NMT2: variants seen among roughly 807,000 people sequenced by gnomAD.
The protein encoded by NMT2 is glycylpeptide N-tetradecanoyltransferase 2.
Under a neutral mutation model 65.4 loss-of-function variants are expected in NMT2, and 35 were observed. The observed-to-expected ratio is 0.54, with a 90% CI of 0.41 to 0.71. NMT2 has a LOEUF of 0.71. Among genes scored for constraint, NMT2 ranks in the 30% least tolerant of loss-of-function variants. The probability of loss-of-function intolerance (pLI) is 0.00; values close to 1 mark genes in which losing one functional copy is unlikely to be tolerated. For synonymous variants in NMT2, 226 were observed against 231.8 expected, an observed-to-expected ratio of 0.98 and a Z score of 0.23; for missense variants, 489 against 611.3, an observed-to-expected ratio of 0.80 and a Z score of 2.11.
At position 15,109,741 on chromosome 10, in the gene NMT2, G is replaced by C. The variant is rs1049849708; in HGVS notation, c.1437C>G (p.Tyr479Ter). 1 of 1,613,604 alleles carries C rather than the reference G, an allele frequency of 6.2e-7. No homozygotes were observed. Among genetic ancestry groups the C allele is most frequent in the Non-Finnish European group, 8.5e-7 (1 of 1,179,820 alleles). ...TACCTGGACACCTCCAATTGTACAG[G>C]TAATACTGCAAATTGCCATCTCCTA... is the stretch of plus-strand genomic sequence containing the variant. The part of the protein sequence containing the change: ...FGIGDGNLQY[Y>*]LYNWRCPGTD... Residue 479 changes from tyrosine (Y) to a stop codon, truncating the protein, a stop_gained, in exon 11 of 12, where the codon TAC (tyrosine) becomes TAG (stop). Coordinates refer to ENST00000378165, the MANE Select transcript of NMT2 (RefSeq NM_004808.3). LOFTEE classifies it high-confidence loss of function.
At chr10:15,151,326 G>A (rs1257880728) in intron 1 of NMT2, among the ~76,000 whole-genome samples, 2 of 152,142 alleles carry the variant, frequency 1.3e-5, no homozygotes, top group Non-Finnish European at 2.9e-5. Flanking sequence ...AAAAGTGCTA[G>A]GATTGTAGGT....
chr10:15,158,700 C>T (rs999218976), intron 1 of NMT2, among the ~76,000 whole-genome samples: 2 of 152,178 alleles, frequency 1.3e-5, no homozygotes, highest in African/African-American at 4.8e-5. Flanking sequence ...TGTCTTAGTT[C>T]AGCCTGCTAT....
intron 1 of NMT2, 53 bp from the exon 2 acceptor site, chr10:15,141,610 T>G: frequency 1.3e-6 from 2 of 1,543,836 alleles, no homozygotes; most frequent in Non-Finnish European, 1.7e-6. Flanking sequence ...AATCATTAAA[T>G]GAAATTGAAT....
rs1247069817 is a variant in NMT2, at chr10:15,106,677, G to A, written c.*2518C>T. On this transcript the variant is annotated 3_prime_UTR_variant, in exon 12 of 12. Coordinates refer to ENST00000378165, the MANE Select transcript of NMT2 (RefSeq NM_004808.3). Reference sequence around the variant, plus strand: ...AAAGGAGAGTTCCAACTCCTTCGTAGTGACCAAGGTCAACAAACTTTCTGT... The same window carrying A: ...AAAGGAGAGTTCCAACTCCTTCGTAATGACCAAGGTCAACAAACTTTCTGT... The A allele has an allele frequency of 1.0e-6, 1 of 984,698 alleles. No homozygotes were observed. The highest frequency in any genetic ancestry group is 1.2e-6 in the Non-Finnish European group (1 of 829,376). The allele number at this position is 984,698 out of a possible 1,614,324, so 61.0% of individuals were successfully genotyped here.
At chr10:15,116,744 C>T (rs548104429) in intron 9 of NMT2, among the ~76,000 whole-genome samples, 2 of 152,046 alleles carry the variant, frequency 1.3e-5, no homozygotes, top group South Asian at 2.1e-4. Context: ...GATATCAGTA[C>T]AGATCCCACA....
intron 8 of NMT2, among the ~76,000 whole-genome samples, chr10:15,119,845 T>C (rs2131501782): frequency 6.6e-6 from 1 of 152,310 alleles, no homozygotes; most frequent in South Asian, 2.1e-4. Flanking sequence ...CAGTACAAGT[T>C]CATGATGTAC....
chr10:15,132,967 G>A (rs755924172), intron 5 of NMT2, 34 bp from the exon 6 acceptor site: 61 of 1,598,220 alleles, frequency 3.8e-5, no homozygotes, highest in African/African-American at 1.7e-4. Context: ...ACAGGCACCA[G>A]TTATTGTCCA....
At chr10:15,129,426 G>A (rs573112009) in intron 7 of NMT2, among the ~76,000 whole-genome samples, 1 of 152,272 alleles carries the variant, frequency 6.6e-6, no homozygotes, top group South Asian at 2.1e-4. Context: ...ACCTGTGAAA[G>A]CTTGACTAGT....
At chr10:15,139,250 CTCTATCTATCTATCTATCTA>C (rs148766759) in intron 2 of NMT2, among the ~76,000 whole-genome samples, 4 of 146,780 alleles carry the variant, frequency 2.7e-5, no homozygotes, top group African/African-American at 7.6e-5. Context: ...ATAAACTCCC[CTCTATCTATCTATCTATCTA>C]TCTATCTATC....
At chr10:15,159,996 G>C (rs1300690436) in intron 1 of NMT2, among the ~76,000 whole-genome samples, 2 of 152,196 alleles carry the variant, frequency 1.3e-5, no homozygotes, top group African/African-American at 2.4e-5. Flanking sequence ...AGTGGCTGCG[G>C]AAGGCTTCAT....
intron 1 of NMT2, chr10:15,155,130 C>G: frequency 1.3e-6 from 2 of 1,498,944 alleles, no homozygotes; most frequent in Non-Finnish European, 1.9e-6. Flanking sequence ...TGTAAAGTCA[C>G]CACCCTGACA....
At chr10:15,144,197 T>C (rs1846877033) in intron 1 of NMT2, among the ~76,000 whole-genome samples, 1 of 152,164 alleles carries the variant, frequency 6.6e-6, no homozygotes, top group Non-Finnish European at 1.5e-5. Flanking sequence ...TTTTTCTCTC[T>C]TTCATCTCAA....
At chr10:15,148,105 A>G (rs1328405289) in intron 1 of NMT2, among the ~76,000 whole-genome samples, 1 of 152,188 alleles carries the variant, frequency 6.6e-6, no homozygotes, top group Non-Finnish European at 1.5e-5. Context: ...GAGTTTGACT[A>G]CCTGGCTTTG....
intron 11 of NMT2, 106 bp from the exon 12 acceptor site, chr10:15,109,321 TC>T: frequency 7.2e-7 from 1 of 1,396,580 alleles, no homozygotes; most frequent in Admixed American, 2.4e-5. Flanking sequence ...ACACCTGTAA[TC>T]CCGGCACTTT....
chr10:15,133,625 C>T (rs1240801433), intron 3 of NMT2, among the ~76,000 whole-genome samples: 3 of 152,122 alleles, frequency 2.0e-5, no homozygotes, highest in Admixed American at 2.0e-4. Context: ...CTCACTCTGT[C>T]GCCAAGGCTG....
intron 1 of NMT2, among the ~76,000 whole-genome samples, chr10:15,165,665 G>A (rs1332818861): frequency 6.6e-6 from 1 of 152,024 alleles, no homozygotes; most frequent in African/African-American, 2.4e-5. Context: ...ATCACCTAAG[G>A]TCAGAAGTTC....
rs750859200 is a variant in NMT2 at position 15,161,081 on chromosome 10, CAAAAAAAAAAAA to C, written c.110+7410_110+7421del. On this transcript the variant is annotated intron_variant, in intron 1 of 11. Coordinates refer to ENST00000378165, the MANE Select transcript of NMT2 (RefSeq NM_004808.3). ...CAGAGCGAGACTCTGCCTCAAAAAT[CAAAAAAAAAAAA>C]AAAAAAAAAAAAAAAAACACAAAGA... 1.3e-3 allele frequency among the ~76,000 whole-genome samples: 26 copies of C among 19,282 alleles called. No homozygotes were observed. In the East Asian group the frequency reaches 0.017, roughly 12 times the overall value. 12.6% of individuals were successfully genotyped at this position (19,282 alleles called of 152,430 possible). A position where few individuals can be genotyped will look rare whatever the true frequency, so the allele number is the denominator to read the frequency against.
chr10:15,140,751 C>T (rs1846724310), intron 2 of NMT2, among the ~76,000 whole-genome samples: 1 of 152,196 alleles, frequency 6.6e-6, no homozygotes, highest in African/African-American at 2.4e-5. Context: ...GCCCAGCATA[C>T]AGGGTGCCTG....
At chr10:15,110,157 C>CA (rs1447611938) in intron 10 of NMT2, among the ~76,000 whole-genome samples, 2 of 152,144 alleles carry the variant, frequency 1.3e-5, no homozygotes, top group African/African-American at 4.8e-5. Context: ...CCTGCAGTCC[C>CA]AGCTACTCAG....
Sources: allele counts gnomAD v4.1 joint callset (sites outside exome capture counted in the v4.1 genomes callset), GRCh38; gene constraint gnomAD v4.1.1; transcripts MANE v1.5; gene names NCBI Gene and HGNC (gene_info 2026-07-23, HGNC 2026-07-21).